The following CYP27A1 variants were observed in gnomAD, a reference collection of about 807,000 sequenced individuals.
CYP27A1 encodes the protein cytochrome P450 family 27 subfamily A member 1.
A neutral mutation model predicts 58.2 loss-of-function variants in CYP27A1; 46 were observed. The ratio of observed to expected loss-of-function variants is 0.79; its 90% confidence interval spans 0.62 to 1.01. The LOEUF is 1.01. Ranked by LOEUF, CYP27A1 falls within the 50% of genes least tolerant of loss-of-function variation. The pLI is 0.00. For synonymous variants in CYP27A1, 274 were observed against 285.1 expected (o/e 0.96, Z 0.39); for missense variants, 704 against 687.0 (o/e 1.02, Z -0.28).
intron 1 of CYP27A1, among the ~76,000 whole-genome samples, chr2:218,792,059 G>A (rs1214167298): frequency 6.8e-6 from 1 of 148,112 alleles, no homozygotes; most frequent in Non-Finnish European, 1.5e-5. Flanking sequence ...CAATGTAGAA[G>A]TCACTACACA....
chr2:218,784,856 G>C (rs1943427218), intron 1 of CYP27A1, among the ~76,000 whole-genome samples: 2 of 152,178 alleles, frequency 1.3e-5, no homozygotes, highest in South Asian at 4.1e-4. Flanking sequence ...AATACTGAGA[G>C]ATGGTTTTGA....
chr2:218,806,142 G>A (rs1176289376), intron 1 of CYP27A1: 1 of 152,162 alleles, frequency 6.6e-6, no homozygotes. Context: ...GTAAAGCACT[G>A]TTTACCACCA....
In CYP27A1 at chr2:218,814,776, G is replaced by A; in HGVS notation, c.1476+19G>A. On this transcript the variant is annotated intron_variant, in intron 8 of 8. Coordinates refer to ENST00000258415, the MANE Select transcript of CYP27A1 (RefSeq NM_000784.4). ...CGCAAGGGTGAGCTGGGAGAGGCTAGTAGGGTGTGTGGGCAGGGAGGGGTG... is the reference window on the plus strand; with the variant it reads ...CGCAAGGGTGAGCTGGGAGAGGCTAATAGGGTGTGTGGGCAGGGAGGGGTG... 3 of 1,613,914 alleles carry A rather than the reference G, an allele frequency of 1.9e-6. No individual in the cohort carries two copies. The highest frequency in any genetic ancestry group is 2.5e-6 in the Non-Finnish European group (3 of 1,179,902).
intron 1 of CYP27A1, among the ~76,000 whole-genome samples, chr2:218,797,375 CAGG>C (rs1943557625): frequency 6.6e-6 from 1 of 152,222 alleles, no homozygotes; most frequent in Non-Finnish European, 1.5e-5. Context: ...GCAAGGATTA[CAGG>C]CACGAGCCGT....
At position 218,814,441 on chromosome 2, in the gene CYP27A1, T is replaced by C. The variant is rs1943764538; in HGVS notation, c.1246T>C (p.Phe416Leu). The change falls in exon 7 of 9, where the codon TTC (phenylalanine) becomes CTC (leucine). Residue 416 changes from phenylalanine to leucine, a missense_variant. Physicochemically the swap from Phe to Leu is conservative, Grantham distance 22. Transcript: ENST00000258415. The part of the protein sequence containing the change: ...IIEKEIEVDG[F>L]LFPKNTQFVF... ...AGAAAAGGAAATTGAAGTTGATGGC[T>C]TCCTCTTCCCCAAGAACGTGAGTGG... 1.2e-6 allele frequency: 2 copies of C among 1,614,130 alleles called. No homozygotes were observed. Among genetic ancestry groups the C allele is most frequent in the Admixed American group, 3.3e-5 (2 of 60,014 alleles).
At chr2:218,793,717 C>CTT (rs1221205899) in intron 1 of CYP27A1, among the ~76,000 whole-genome samples, 80 of 140,804 alleles carry the variant, frequency 5.7e-4, no homozygotes, top group African/African-American at 2.0e-3. Context: ...GTTTCTCTTT[C>CTT]TTTTTTTTTT....
Position 218,809,661 on chromosome 2 carries a change from T to C in CYP27A1, c.340T>C (p.Leu114=). ...MHVNLASAPL[L]EQVMRQEGKY... is the part of the protein sequence containing the mutation. ...CGTGAACCTGGCCAGTGCCCCGCTC[T>C]TGGAGCAAGTGATGCGGCAAGAGGG... The change falls in exon 2 of 9, where the codon TTG becomes CTG. Residue 114 remains leucine, a synonymous_variant. Transcript: ENST00000258415. 6.2e-7 allele frequency: 1 copy of C among 1,614,134 alleles called. No homozygotes were observed. Among genetic ancestry groups the C allele is most frequent in the South Asian group, 1.1e-5 (1 of 91,084 alleles).
At chr2:218,791,067 T>C (rs192100255) in intron 1 of CYP27A1, among the ~76,000 whole-genome samples, 5 of 152,226 alleles carry the variant, frequency 3.3e-5, no homozygotes. Flanking sequence ...AACACCTGAC[T>C]TCAAGTGATC....
chr2:218,793,717 CTTT>C (rs1221205899), intron 1 of CYP27A1, among the ~76,000 whole-genome samples: 1 of 140,786 alleles, frequency 7.1e-6, no homozygotes, highest in Non-Finnish European at 1.6e-5. Context: ...GTTTCTCTTT[CTTT>C]TTTTTTTTTT....
At chr2:218,788,110 G>A (rs1029882479) in intron 1 of CYP27A1, among the ~76,000 whole-genome samples, 3 of 152,358 alleles carry the variant, frequency 2.0e-5, no homozygotes, top group Non-Finnish European at 4.4e-5. Context: ...CTCAAGTGAG[G>A]CCATATGTCT....
At chr2:218,783,244 C>T (rs1285100683) in intron 1 of CYP27A1, among the ~76,000 whole-genome samples, 7 of 113,156 alleles carry the variant, frequency 6.2e-5, no homozygotes, top group Admixed American at 1.2e-4. Context: ...GCAACAAGAG[C>T]GAAACTCTGT....
At chr2:218,802,721 TTC>T (rs1320909901) in intron 1 of CYP27A1, among the ~76,000 whole-genome samples, 3 of 152,248 alleles carry the variant, frequency 2.0e-5, no homozygotes, top group Non-Finnish European at 2.9e-5. Context: ...TACTGTTATT[TTC>T]TTTTTTTCTC....
At chr2:218,791,976 G>A (rs755813378) in intron 1 of CYP27A1, among the ~76,000 whole-genome samples, 6 of 152,028 alleles carry the variant, frequency 3.9e-5, no homozygotes, top group Admixed American at 6.6e-5. Flanking sequence ...CTAGCGAAAT[G>A]TACCTGAAAT....
intron 1 of CYP27A1, among the ~76,000 whole-genome samples, chr2:218,801,648 A>G (rs971060638): frequency 7.9e-5 from 12 of 152,158 alleles, no homozygotes; most frequent in East Asian, 1.9e-4. Context: ...GTATATCTTC[A>G]TGATATATAT....
At position 218,782,360 on chromosome 2, in the gene CYP27A1, A is replaced by G. The variant is rs780279346; in HGVS notation, c.178A>G (p.Ile60Val). ...GCGGCGGCAACGGAGCTTAGAGGAG[A>G]TTCCACGTCTAGGACAGCTGCGCTT... ...VRRRQRSLEE[I>V]PRLGQLRFFF... The change falls in exon 1 of 9, where the codon ATT (isoleucine) becomes GTT (valine). Residue 60 changes from isoleucine (I) to valine (V), a missense_variant. Ile to Val is a conservative substitution (Grantham distance 29, BLOSUM62 3). Coordinates refer to ENST00000258415, the MANE Select transcript of CYP27A1 (RefSeq NM_000784.4). The surrounding 1 kb of genome is among the most constrained non-coding windows in gnomAD (Gnocchi z 4.1). The G allele has an allele frequency of 1.9e-6, 3 of 1,614,110 alleles. No individual in the cohort carries two copies. Among genetic ancestry groups the G allele is most frequent in the Non-Finnish European group, 8.5e-7 (1 of 1,179,980 alleles).
chr2:218,812,039 G>T (rs1331454337), intron 2 of CYP27A1, among the ~76,000 whole-genome samples, 183 bp from the exon 3 acceptor site: 2 of 152,122 alleles, frequency 1.3e-5, no homozygotes, highest in South Asian at 2.1e-4. Flanking sequence ...GCGAGATTCT[G>T]GTTTGGGGAT....
chr2:218,792,685 A>C (rs533496575), intron 1 of CYP27A1, among the ~76,000 whole-genome samples: 1 of 152,310 alleles, frequency 6.6e-6, no homozygotes, highest in South Asian at 2.1e-4. Context: ...CACAACTGAC[A>C]AGGAAATTTG....
At chr2:218,804,769 T>C (rs1186823172) in intron 1 of CYP27A1, among the ~76,000 whole-genome samples, 1 of 152,256 alleles carries the variant, frequency 6.6e-6, no homozygotes, top group Non-Finnish European at 1.5e-5. Flanking sequence ...GTTAAAAGTA[T>C]TCCTAGGTAT....
intron 3 of CYP27A1, 28 bp downstream of exon 3, chr2:218,812,449 A>T: frequency 1.2e-6 from 2 of 1,613,258 alleles, no homozygotes; most frequent in Non-Finnish European, 1.7e-6. Context: ...GGGGCTGGGG[A>T]AGGGAATGGG....
Sources: gnomAD v4.1 joint callset for allele counts (sites outside exome capture counted in the v4.1 genomes callset) on GRCh38, gnomAD v4.1.1 for gene constraint, Gnocchi (gnomAD v3.1) non-coding constraint, MANE v1.5 for transcripts, NCBI Gene and HGNC (gene_info 2026-07-23, HGNC 2026-07-21) for gene names.